Variants in DDR2 observed in about 807,000 individuals in gnomAD.
DDR2 encodes discoidin domain receptor tyrosine kinase 2.
In DDR2, 27 loss-of-function variants were observed where a neutral mutation model predicts 94.9. The ratio of observed to expected loss-of-function variants is 0.28; its 90% CI spans 0.21 to 0.39. DDR2 has a LOEUF of 0.39. Among genes scored for constraint, DDR2 ranks in the 10% least tolerant of loss-of-function variants. DDR2 has a pLI of 1.00. For synonymous variants in DDR2, 382 were observed against 377.2 expected (o/e 1.01, Z -0.15); for missense variants, 783 against 1,076.0 (o/e 0.73, Z 3.81).
rs190113188 is a variant in DDR2, at chr1:162,671,027, T to C, written c.-28+15653T>C. On this transcript the variant is annotated intron_variant, in intron 2 of 17. Coordinates refer to ENST00000367921, the MANE Select transcript of DDR2 (RefSeq NM_006182.4). ...GGAGGTTCACAGTAAATGAGGGGTG[T>C]GGTCTGTGAAGGGAAAAGTGGCTGT... 8.4e-3 allele frequency among the ~76,000 whole-genome samples: 1,285 copies of C among 152,266 alleles called. 11 individuals are homozygous for C. The highest frequency in any genetic ancestry group is 0.013 in the Non-Finnish European group (918 of 68,014).
At chr1:162,709,553 A>G (rs144162337) in intron 2 of DDR2, among the ~76,000 whole-genome samples, 201 of 152,258 alleles carry the variant, frequency 1.3e-3, no homozygotes, top group African/African-American at 4.7e-3. Context: ...GTATGGTTCT[A>G]TGATTTTGAG....
chr1:162,678,343 G>A (rs1421184285), intron 2 of DDR2, among the ~76,000 whole-genome samples: 4 of 152,212 alleles, frequency 2.6e-5, no homozygotes, highest in Non-Finnish European at 4.4e-5. Flanking sequence ...GTGAGGCAAT[G>A]TATGTGGAGT....
chr1:162,696,364 G>T (rs1233560861), intron 2 of DDR2, among the ~76,000 whole-genome samples: 1 of 152,066 alleles, frequency 6.6e-6, no homozygotes, highest in Non-Finnish European at 1.5e-5. Context: ...TGGAAAGGAG[G>T]AGAGCAGGAA....
chr1:162,759,896 G>T lies in DDR2; in HGVS notation c.772G>T (p.Gly258Cys), dbSNP rs1362443005. ...CGTGTGGCCCGGCTATGACTATGTG[G>T]GCTGGCGGAACGAGAGTGCCACCAA... ...YHVWPGYDYV[G>C]WRNESATNGY... Residue 258 changes from glycine (G) to cysteine (C), a missense_variant, in exon 8 of 18, where the codon GGC becomes TGC. Physicochemically the swap from Gly to Cys is radical, Grantham distance 159. Transcript: ENST00000367921. 6.2e-7 allele frequency: 1 copy of T among 1,614,138 alleles called. No homozygotes were observed. Among genetic ancestry groups the T allele is most frequent in the East Asian group, 2.2e-5 (1 of 44,878 alleles).
intron 2 of DDR2, among the ~76,000 whole-genome samples, chr1:162,704,488 A>G (rs536311528): frequency 1.3e-5 from 2 of 152,346 alleles, no homozygotes; most frequent in Non-Finnish European, 2.9e-5. Context: ...TAAAAAAAAG[A>G]TAGTCCAGTT....
At position 162,786,236 on chromosome 1, in the gene DDR2, A is replaced by T. The variant is rs1648143413; in HGVS notation, c.*5990A>T. On this transcript the variant is annotated 3_prime_UTR_variant, in exon 18 of 18. Coordinates refer to ENST00000367921, the MANE Select transcript of DDR2 (RefSeq NM_006182.4). Reference sequence around the variant, plus strand: ...GCCTATCCATTATATGTCCTTTATTATTCATGATATCCTATTCTTCTACCT... The same window carrying T: ...GCCTATCCATTATATGTCCTTTATTTTTCATGATATCCTATTCTTCTACCT... 1 of 152,170 alleles carries T rather than the reference A, an allele frequency of 6.6e-6. No homozygotes were observed. The highest frequency in any genetic ancestry group is 1.5e-5 in the Non-Finnish European group (1 of 68,050). The allele number at this position is 152,170 out of a possible 1,614,324, so 9.4% of individuals were successfully genotyped here.
chr1:162,676,416 C>G (rs1659128979), intron 2 of DDR2, among the ~76,000 whole-genome samples: 1 of 152,166 alleles, frequency 6.6e-6, no homozygotes, highest in Admixed American at 6.5e-5. Context: ...TACTTTACCC[C>G]CTGCTAGGCT....
intron 1 of DDR2, among the ~76,000 whole-genome samples, chr1:162,636,931 A>G (rs1656853797): frequency 6.6e-6 from 1 of 151,960 alleles, no homozygotes; most frequent in Non-Finnish European, 1.5e-5. Context: ...ATCTCAGTGA[A>G]CTCTCATGTC....
chr1:162,666,411 G>A (rs886838587), intron 2 of DDR2, among the ~76,000 whole-genome samples: 2 of 152,222 alleles, frequency 1.3e-5, no homozygotes, highest in African/African-American at 4.8e-5. Context: ...TGAAGGACAG[G>A]TGTGGCTTCG....
chr1:162,698,858 C>T (rs1660305980), intron 2 of DDR2, among the ~76,000 whole-genome samples: 1 of 152,180 alleles, frequency 6.6e-6, no homozygotes, highest in South Asian at 2.1e-4. Context: ...TTCATAGCCT[C>T]CTAGTAATGT....
At chr1:162,674,348 G>T (rs932699009) in intron 2 of DDR2, among the ~76,000 whole-genome samples, 1 of 152,140 alleles carries the variant, frequency 6.6e-6, no homozygotes, top group African/African-American at 2.4e-5. Flanking sequence ...AGCAAAAGGG[G>T]TGGTCTGCTC....
chr1:162,726,357 T>G (rs765530329), intron 3 of DDR2, among the ~76,000 whole-genome samples: 47 of 152,178 alleles, frequency 3.1e-4, no homozygotes, highest in Non-Finnish European at 6.3e-4. Flanking sequence ...CTTCACCTAA[T>G]TCCTGGGCTT....
intron 3 of DDR2, among the ~76,000 whole-genome samples, chr1:162,723,575 C>A (rs888252579): frequency 1.3e-5 from 2 of 152,150 alleles, no homozygotes; most frequent in African/African-American, 4.8e-5. Context: ...GAAATTCTAG[C>A]CCAGCAGTCT....
At chr1:162,751,660 G>A (rs1429425086) in intron 3 of DDR2, among the ~76,000 whole-genome samples, 1 of 152,148 alleles carries the variant, frequency 6.6e-6, no homozygotes, top group Non-Finnish European at 1.5e-5. Flanking sequence ...TACACCCAAA[G>A]GATTATAAAT....
intron 3 of DDR2, among the ~76,000 whole-genome samples, chr1:162,739,504 A>G (rs1029904881): frequency 6.6e-6 from 1 of 151,884 alleles, no homozygotes; most frequent in African/African-American, 2.4e-5. Flanking sequence ...ACAGGGTTTT[A>G]CCATGTTGGC....
chr1:162,646,038 C>T (rs976125183), intron 1 of DDR2, among the ~76,000 whole-genome samples: 1 of 152,204 alleles, frequency 6.6e-6, no homozygotes, highest in Non-Finnish European at 1.5e-5. Context: ...ATTGAACTGC[C>T]TCATGCCATG....
At chr1:162,724,799 TAGAC>T (rs778506425) in intron 3 of DDR2, among the ~76,000 whole-genome samples, 8 of 151,672 alleles carry the variant, frequency 5.3e-5, no homozygotes, top group African/African-American at 9.7e-5. Flanking sequence ...TAGTGTGTGT[TAGAC>T]AGCCTGAACA....
intron 2 of DDR2, among the ~76,000 whole-genome samples, chr1:162,715,928 A>G (rs1185526495): frequency 6.6e-6 from 1 of 152,222 alleles, no homozygotes; most frequent in East Asian, 1.9e-4. Flanking sequence ...AAGCCCGGCA[A>G]CAGTTTCAAA....
Position 162,780,419 on chromosome 1 carries a change from ACTTTT to A in DDR2, c.*174_*178del. The A allele has an allele frequency of 1.6e-6, 1 of 630,054 alleles. No homozygotes were observed. The highest frequency in any genetic ancestry group is 2.3e-6 in the Non-Finnish European group (1 of 439,752). 39.0% of individuals were successfully genotyped at this position (630,054 alleles called of 1,614,324 possible). A position where few individuals can be genotyped will look rare whatever the true frequency, so the allele number is the denominator to read the frequency against. On this transcript the variant is annotated 3_prime_UTR_variant, in exon 18 of 18. Coordinates refer to ENST00000367921, the MANE Select transcript of DDR2 (RefSeq NM_006182.4). ...CACTCCCTACCCCTGACTCATATAC[ACTTTT>A]TTTTTTTTTTACATTAAAGAACTAA...
Sources: allele counts gnomAD v4.1 joint callset (sites outside exome capture counted in the v4.1 genomes callset), GRCh38; gene constraint gnomAD v4.1.1; transcripts MANE v1.5; gene names NCBI Gene and HGNC (gene_info 2026-07-23, HGNC 2026-07-21).